Variants in VRK1 observed in about 807,000 individuals in gnomAD.
The protein encoded by VRK1 is serine/threonine-protein kinase VRK1.
Under a neutral mutation model 57.1 loss-of-function variants are expected in VRK1, and 33 were observed. The observed-to-expected ratio is 0.58, with a 90% CI of 0.44 to 0.77. The LOEUF is 0.77. Ranked by LOEUF, VRK1 falls within the 30% of genes least tolerant of loss-of-function variation. VRK1 has a pLI of 0.00. For missense variants in VRK1, 413 were observed against 477.3 expected (o/e 0.87, Z 1.25); for synonymous variants, 137 against 147.8 (o/e 0.93, Z 0.53).
chr14:96,814,872 G>A (rs547601213), intron 1 of VRK1, among the ~76,000 whole-genome samples: 2 of 152,266 alleles, frequency 1.3e-5, no homozygotes, highest in South Asian at 2.1e-4. Context: ...GATATGCCAT[G>A]CTTCATTTAA....
At chr14:96,827,570 C>CT (rs1335990573) in intron 1 of VRK1, among the ~76,000 whole-genome samples, 1 of 152,116 alleles carries the variant, frequency 6.6e-6, no homozygotes, top group Non-Finnish European at 1.5e-5. Context: ...CCCTACCGCT[C>CT]AGTGGGTCAC....
At chr14:96,805,588 G>T (rs1885839819) in intron 1 of VRK1, among the ~76,000 whole-genome samples, 1 of 152,140 alleles carries the variant, frequency 6.6e-6, no homozygotes, top group African/African-American at 2.4e-5. Flanking sequence ...GATTATCATG[G>T]CTGTAGATTA....
At chr14:96,808,002 C>CCTCTCTCCCTCTCTCTCTCT (rs149250994) in intron 1 of VRK1, among the ~76,000 whole-genome samples, 7 of 118,134 alleles carry the variant, frequency 5.9e-5, no homozygotes, top group African/African-American at 1.1e-4. Context: ...TCCCTCTCTC[C>CCTCTCTCCCTCTCTCTCTCT]CTCTCTCTCT....
intron 1 of VRK1, among the ~76,000 whole-genome samples, chr14:96,829,394 C>G (rs1886921575): frequency 6.6e-6 from 1 of 152,072 alleles, no homozygotes. Context: ...TAGGGATGCT[C>G]TTTGCTGCTG....
chr14:96,859,302 G>C (rs1214023057), intron 10 of VRK1, among the ~76,000 whole-genome samples: 1 of 152,056 alleles, frequency 6.6e-6, no homozygotes, highest in Non-Finnish European at 1.5e-5. Context: ...TCCACATGTA[G>C]TATTATGTTG....
chr14:96,854,371 G>T (rs571610611), intron 7 of VRK1, among the ~76,000 whole-genome samples: 3 of 152,218 alleles, frequency 2.0e-5, no homozygotes, highest in Non-Finnish European at 4.4e-5. Flanking sequence ...TTATCCTTCA[G>T]ACATATGCTT....
Position 96,876,085 on chromosome 14 carries a change from G to A in VRK1, c.1124G>A (p.Trp375Ter), listed in dbSNP as rs184887106. Residue 375 changes from tryptophan (W) to a stop codon, truncating the protein, a stop_gained, in exon 12 of 13, where the codon TGG becomes TAG. Coordinates refer to ENST00000216639, the MANE Select transcript of VRK1 (RefSeq NM_003384.3). LOFTEE classifies it high-confidence loss of function. ...GAACCTGGTGTTGAAGATACGGAAT[G>A]GTCAAACACACAGACAGAGGAGGCC... Reference protein sequence around the residue: ...SKEPGVEDTEWSNTQTEEAIQ... With the variant: ...SKEPGVEDTE The A allele has an allele frequency of 2.5e-6, 4 of 1,613,574 alleles. No homozygotes were observed. The East Asian group carries it at 6.7e-5, about 27-fold the overall frequency.
At position 96,860,671 on chromosome 14, in the gene VRK1, A is replaced by T. The variant is rs1888350254; in HGVS notation, c.1004A>T (p.Asp335Val). 6.2e-7 allele frequency: 1 copy of T among 1,613,454 alleles called. No individual in the cohort carries two copies. The highest frequency in any genetic ancestry group is 8.5e-7 in the Non-Finnish European group (1 of 1,179,568). Reference sequence around the variant, plus strand: ...GGACTAAAAGCTATAGGAAGTAAGGATGATGGCAAATTGGACCTCAGTGTT... The same window carrying T: ...GGACTAAAAGCTATAGGAAGTAAGGTTGATGGCAAATTGGACCTCAGTGTT... ...LQGLKAIGSKDDGKLDLSVVE... is the reference protein window; with the variant it reads ...LQGLKAIGSKVDGKLDLSVVE... Residue 335 changes from aspartate to valine, a missense_variant, in exon 11 of 13, where the codon GAT becomes GTT. By Grantham distance (152) the Asp-to-Val change is radical. This residue lies in a region of VRK1 where 146 missense variants were observed against 138.2 expected (regional missense o/e 1.06). Coordinates refer to ENST00000216639, the MANE Select transcript of VRK1 (RefSeq NM_003384.3).
chr14:96,861,312 T>A (rs992512151), intron 11 of VRK1, among the ~76,000 whole-genome samples: 21 of 152,174 alleles, frequency 1.4e-4, no homozygotes, highest in African/African-American at 4.8e-4. Flanking sequence ...AAAGAACTTC[T>A]GGCATCACTT....
intron 10 of VRK1, among the ~76,000 whole-genome samples, 196 bp from the exon 11 acceptor site, chr14:96,860,361 A>G (rs563212102): frequency 2.0e-5 from 3 of 152,284 alleles, no homozygotes; most frequent in East Asian, 3.9e-4. Context: ...TTGTATCTCA[A>G]AATACTTTTT....
intron 1 of VRK1, among the ~76,000 whole-genome samples, chr14:96,805,923 A>T (rs982900763): frequency 6.7e-6 from 1 of 150,152 alleles, no homozygotes; most frequent in African/African-American, 2.4e-5. Context: ...AAATGTTGAG[A>T]TTGACCAAGA....
intron 3 of VRK1, among the ~76,000 whole-genome samples, chr14:96,838,730 G>A (rs2139761817): frequency 6.6e-6 from 1 of 152,210 alleles, no homozygotes; most frequent in East Asian, 1.9e-4. Context: ...GATTTGGGTG[G>A]GGACACAGCC....
At chr14:96,856,485 TATGAC>T (rs763584591) in intron 9 of VRK1, 38 bp from the exon 10 acceptor site, 1 of 1,525,348 alleles carries the variant, frequency 6.6e-7, no homozygotes, top group Non-Finnish European at 9.1e-7. Context: ...CATATTAACA[TATGAC>T]ATCAAGCTTC....
intron 1 of VRK1, among the ~76,000 whole-genome samples, chr14:96,820,336 A>AG (rs1477987230): frequency 2.0e-5 from 3 of 152,052 alleles, no homozygotes; most frequent in African/African-American, 7.3e-5. Context: ...GTCAACGTTG[A>AG]GTTCTTCGGC....
At chr14:96,877,655 C>G (rs1358162036) in intron 12 of VRK1, 1 of 1,283,492 alleles carries the variant, frequency 7.8e-7, no homozygotes, top group Non-Finnish European at 1.0e-6. Context: ...TTAAAACTGG[C>G]AATTTTAGTT....
At chr14:96,825,962 TG>T (rs1252915724) in intron 1 of VRK1, among the ~76,000 whole-genome samples, 1 of 152,102 alleles carries the variant, frequency 6.6e-6, no homozygotes, top group Non-Finnish European at 1.5e-5. Flanking sequence ...TTTTCCAGTT[TG>T]TGTATGATGA....
At chr14:96,838,146 A>G (rs903578221) in intron 3 of VRK1, among the ~76,000 whole-genome samples, 5 of 152,070 alleles carry the variant, frequency 3.3e-5, no homozygotes, top group African/African-American at 1.2e-4. Context: ...ATCCTATAAG[A>G]CTATACTAAT....
At chr14:96,820,106 A>G (rs926204656) in intron 1 of VRK1, among the ~76,000 whole-genome samples, 1 of 151,684 alleles carries the variant, frequency 6.6e-6, no homozygotes, top group Admixed American at 6.6e-5. Context: ...GCTTCTTCTC[A>G]GTCCAACCAC....
intron 2 of VRK1, among the ~76,000 whole-genome samples, chr14:96,836,060 T>C (rs1373151045): frequency 6.6e-6 from 1 of 152,244 alleles, no homozygotes; most frequent in Non-Finnish European, 1.5e-5. Flanking sequence ...TTTTGTCTCC[T>C]CAAAGTCTGT....
Sources: allele counts gnomAD v4.1 joint callset (sites outside exome capture counted in the v4.1 genomes callset), GRCh38; gene constraint gnomAD v4.1.1; regional missense constraint gnomAD v4.1.1; transcripts MANE v1.5; gene names NCBI Gene and HGNC (gene_info 2026-07-23, HGNC 2026-07-21).